Variants in LRIG1 observed in about 807,000 individuals in gnomAD.
LRIG1 encodes the protein leucine rich repeats and immunoglobulin like domains 1.
A neutral mutation model predicts 99.2 loss-of-function variants in LRIG1; 48 were observed. That is an observed-to-expected ratio of 0.48 (90% CI 0.38 to 0.62). LRIG1 has a LOEUF of 0.62. Ranked by LOEUF, LRIG1 falls within the 20% of genes least tolerant of loss-of-function variation. The pLI, the probability that LRIG1 is intolerant of heterozygous loss-of-function variation, is 0.00. For missense variants in LRIG1, 1,646 were observed against 1,434.4 expected (o/e 1.15, Z -2.38); for synonymous variants, 772 against 596.1 (o/e 1.29, Z -4.30).
Position 66,405,358 on chromosome 3 carries a change from G to T in LRIG1, c.1080-80C>A. ...AAACTCTCACCCAGCCTGCTGCTCG[G>T]AAGCTGAAGTCCCCTGGGTGCATGC... On this transcript the variant is annotated intron_variant, in intron 8 of 18. Coordinates refer to ENST00000273261, the MANE Select transcript of LRIG1 (RefSeq NM_015541.3). The T allele has an allele frequency of 3.5e-6, 4 of 1,145,990 alleles. No individual in the cohort carries two copies. The South Asian group carries it at 3.8e-5, about 11-fold the overall frequency. The allele number at this position is 1,145,990 out of a possible 1,614,324, so 71.0% of individuals were successfully genotyped here. A position where few individuals can be genotyped will look rare whatever the true frequency, so the allele number is the denominator to read the frequency against.
chr3:66,421,733 T>TG (rs1302669585), intron 3 of LRIG1, among the ~76,000 whole-genome samples: 4 of 152,284 alleles, frequency 2.6e-5, no homozygotes, highest in African/African-American at 9.6e-5. Flanking sequence ...GGACTCTGTG[T>TG]GGGGGATCCC....
At chr3:66,475,051 C>T (rs1053254392) in intron 1 of LRIG1, among the ~76,000 whole-genome samples, 2 of 152,190 alleles carry the variant, frequency 1.3e-5, no homozygotes, top group African/African-American at 2.4e-5. Flanking sequence ...ACAGAAAATC[C>T]AAGCCCACTG....
intron 3 of LRIG1, among the ~76,000 whole-genome samples, chr3:66,433,112 A>G (rs978210506): frequency 3.9e-5 from 6 of 152,172 alleles, no homozygotes; most frequent in Non-Finnish European, 7.3e-5. Flanking sequence ...TCAGGCAGTA[A>G]GTATAAAGGC....
In LRIG1 at chr3:66,383,001, C is replaced by T. The variant is rs1332320347; in HGVS notation, c.2472G>A (p.Glu824=). The T allele has an allele frequency of 3.1e-6, 5 of 1,613,050 alleles. No individual in the cohort carries two copies. The highest frequency in any genetic ancestry group is 4.5e-5 in the East Asian group (2 of 44,862). ...CCTGACCTGTGTTGGTGACACTGTA[C>T]TCTTCACTCTTCTTCCTGGTCTGGT... ...IIYQTRKKSE[E]YSVTNTDETV... The change falls in exon 15 of 19, where the codon GAG becomes GAA. Residue 824 remains glutamate, a synonymous_variant. Coordinates refer to ENST00000273261, the MANE Select transcript of LRIG1 (RefSeq NM_015541.3).
At chr3:66,490,375 G>A (rs1009256514) in intron 1 of LRIG1, among the ~76,000 whole-genome samples, 1 of 152,142 alleles carries the variant, frequency 6.6e-6, no homozygotes, top group African/African-American at 2.4e-5. Context: ...TGGAAGCAAC[G>A]AGCTCTTCTG....
intron 13 of LRIG1, among the ~76,000 whole-genome samples, chr3:66,385,690 T>A (rs770248809): frequency 6.6e-6 from 1 of 152,178 alleles, no homozygotes; most frequent in African/African-American, 2.4e-5. Context: ...TGGCTTCAAG[T>A]GATCTGCCCA....
rs1259492659 is a variant in LRIG1, at chr3:66,380,673, AC to A, written c.2958del (p.Ser987ProfsTer18). On this transcript the variant is annotated frameshift_variant, in exon 18 of 19. Transcript: ENST00000273261. LOFTEE classifies it high-confidence loss of function. The part of the protein sequence containing the change: ...PHHQCSRTAA[G>X]SCPECQGSLY... ...AGCGACCCTTGGCACTCGGGGCAGGACCCAGCGGCAGTCCTGCTGCACTGGT... is the reference window on the plus strand; with the variant it reads ...AGCGACCCTTGGCACTCGGGGCAGGACCAGCGGCAGTCCTGCTGCACTGGT... The A allele has an allele frequency of 4.3e-6, 7 of 1,614,196 alleles. No individual in the cohort carries two copies. Among genetic ancestry groups the A allele is most frequent in the Non-Finnish European group, 5.9e-6 (7 of 1,180,038 alleles).
chr3:66,411,111 G>A (rs1442517501), intron 6 of LRIG1, among the ~76,000 whole-genome samples: 2 of 152,150 alleles, frequency 1.3e-5, no homozygotes, highest in African/African-American at 2.4e-5. Flanking sequence ...TGCAGCTCTA[G>A]GCCTGAGCTC....
intron 1 of LRIG1, among the ~76,000 whole-genome samples, chr3:66,465,321 T>C (rs557574976): frequency 6.6e-6 from 1 of 152,030 alleles, no homozygotes; most frequent in Non-Finnish European, 1.5e-5. Flanking sequence ...GACACTTTCT[T>C]GTTGGCCCAA....
intron 17 of LRIG1, 24 bp from the exon 18 acceptor site, chr3:66,380,885 G>A (rs776277285): frequency 1.4e-5 from 23 of 1,609,096 alleles, no homozygotes; most frequent in South Asian, 2.2e-5. Context: ...CCAAAGATGG[G>A]TTAGAGTCAC....
intron 14 of LRIG1, 43 bp downstream of exon 14, chr3:66,383,948 T>TCACACACA (rs3830215): frequency 0.023 from 34,670 of 1,510,274 alleles, 454 homozygotes; most frequent in East Asian, 0.15. Context: ...TCTCTCTCGC[T>TCACACACA]CACACACACA....
chr3:66,471,642 G>A (rs1234102631), intron 1 of LRIG1, among the ~76,000 whole-genome samples: 1 of 152,224 alleles, frequency 6.6e-6, no homozygotes, highest in Non-Finnish European at 1.5e-5. Context: ...GTTAAAGGAT[G>A]GCAGAGGGTT....
intron 3 of LRIG1, among the ~76,000 whole-genome samples, chr3:66,443,589 C>T (rs1416507906): frequency 6.6e-6 from 1 of 152,182 alleles, no homozygotes; most frequent in Non-Finnish European, 1.5e-5. Context: ...TGTCATGTGA[C>T]CCATCAGTGA....
chr3:66,453,426 C>G (rs1703971662), intron 2 of LRIG1, among the ~76,000 whole-genome samples: 1 of 152,208 alleles, frequency 6.6e-6, no homozygotes, highest in African/African-American at 2.4e-5. Context: ...AACTGAAACA[C>G]AGATGTTAAG....
chr3:66,381,397 T>A (rs1701054127), intron 17 of LRIG1, 82 bp downstream of exon 17: 1 of 1,394,388 alleles, frequency 7.2e-7, no homozygotes, highest in Non-Finnish European at 1.0e-6. Context: ...TAGGAATGTG[T>A]CTCCCCCTTT....
At chr3:66,491,830 A>G (rs997936877) in intron 1 of LRIG1, among the ~76,000 whole-genome samples, 2 of 152,216 alleles carry the variant, frequency 1.3e-5, no homozygotes, top group Admixed American at 1.3e-4. Flanking sequence ...ACAGATACCT[A>G]GAGTTCATTA....
Position 66,386,158 on chromosome 3 carries a change from T to G in LRIG1, c.1612A>C (p.Thr538Pro), listed in dbSNP as rs992237916. 18 of 1,614,028 alleles carry G rather than the reference T, an allele frequency of 1.1e-5. No homozygotes were observed. The highest frequency in any genetic ancestry group is 1.4e-5 in the Non-Finnish European group (17 of 1,180,044). The stretch of plus-strand genomic sequence containing the variant: ...ACAAAGTTCTCCATGTCTGCATTGG[T>G]CAGGACTTCATTGTCTTTCTTCCAG... ...FAWKKDNEVL[T>P]NADMENFVHV... The change falls in exon 13 of 19, where the codon ACC (threonine) becomes CCC (proline). Residue 538 changes from threonine to proline, a missense_variant. Physicochemically the swap from Thr to Pro is conservative, Grantham distance 38. Coordinates refer to ENST00000273261, the MANE Select transcript of LRIG1 (RefSeq NM_015541.3).
intron 11 of LRIG1, among the ~76,000 whole-genome samples, chr3:66,396,388 A>G (rs1038185253): frequency 3.9e-5 from 6 of 152,146 alleles, no homozygotes; most frequent in African/African-American, 1.4e-4. Context: ...CACATGGTGC[A>G]TTTTCACGAT....
chr3:66,440,587 C>G (rs552841866), intron 3 of LRIG1, among the ~76,000 whole-genome samples: 4 of 152,136 alleles, frequency 2.6e-5, no homozygotes, highest in Non-Finnish European at 5.9e-5. Context: ...TCTCCAATAC[C>G]AGGCGGCCTC....
Sources: gnomAD v4.1 joint callset for allele counts (sites outside exome capture counted in the v4.1 genomes callset) on GRCh38, gnomAD v4.1.1 for gene constraint, MANE v1.5 for transcripts, NCBI Gene and HGNC (gene_info 2026-07-23, HGNC 2026-07-21) for gene names.